PIK3C2G: variants seen among roughly 807,000 people sequenced by gnomAD.
PIK3C2G encodes the protein phosphatidylinositol 3-kinase C2 domain-containing subunit gamma.
PIK3C2G carries 168 observed loss-of-function variants against 181.1 expected under a neutral mutation model. The ratio of observed to expected loss-of-function variants is 0.93; its 90% CI spans 0.82 to 1.05. The LOEUF is 1.05. Ranked by LOEUF, PIK3C2G falls within the 50% of genes least tolerant of loss-of-function variation. The pLI, the probability that PIK3C2G is intolerant of heterozygous loss-of-function variation, is 0.00. For synonymous variants in PIK3C2G, 573 were observed against 592.2 expected, an observed-to-expected ratio of 0.97 and a Z score of 0.47; for missense variants, 1,869 against 1,732.8, an observed-to-expected ratio of 1.08 and a Z score of -1.40.
chr12:18,615,334 T>C (rs1948548493), intron 31 of PIK3C2G, among the ~76,000 whole-genome samples: 1 of 43,734 alleles, frequency 2.3e-5, no homozygotes, highest in Non-Finnish European at 4.6e-5. Flanking sequence ...TTCCACGGTG[T>C]GTGTGTGTGT....
intron 18 of PIK3C2G, among the ~76,000 whole-genome samples, chr12:18,459,352 A>C (rs1038280443): frequency 2.0e-5 from 3 of 152,234 alleles, no homozygotes; most frequent in Admixed American, 6.5e-5. Context: ...ATTTAGAAAA[A>C]GTAAAAGAGA....
chr12:18,511,251 A>T (rs145434578), intron 24 of PIK3C2G, among the ~76,000 whole-genome samples: 4 of 152,218 alleles, frequency 2.6e-5, no homozygotes, highest in Admixed American at 6.5e-5. Flanking sequence ...ATTTGTTTCC[A>T]TATCTTGGCT....
At chr12:18,344,056 T>C (rs1357599597) in intron 10 of PIK3C2G, among the ~76,000 whole-genome samples, 1 of 152,106 alleles carries the variant, frequency 6.6e-6, no homozygotes, top group Non-Finnish European at 1.5e-5. Flanking sequence ...AACTCTTTGA[T>C]CCCGTTATAG....
chr12:18,652,345 A>G (rs1218831532), downstream of PIK3C2G, among the ~76,000 whole-genome samples: 1 of 152,144 alleles, frequency 6.6e-6, no homozygotes, highest in Non-Finnish European at 1.5e-5. Context: ...ATAAACATGA[A>G]GGTGAATATT....
the PIK3C2G span, among the ~76,000 whole-genome samples, chr12:18,664,842 T>A: frequency 9.5e-4 from 144 of 150,804 alleles, 1 homozygote; most frequent in Admixed American, 9.5e-3. Flanking sequence ...AAATGATGAG[T>A]TCATGTCCTT....
At chr12:18,545,507 CA>C (rs1944375680) in intron 25 of PIK3C2G, among the ~76,000 whole-genome samples, 1 of 150,640 alleles carries the variant, frequency 6.6e-6, no homozygotes, top group Admixed American at 6.6e-5. Context: ...TAACAGTCTT[CA>C]TTTTTTTTTT....
At chr12:18,602,930 GA>G (rs756229917) in intron 30 of PIK3C2G, among the ~76,000 whole-genome samples, 2 of 152,060 alleles carry the variant, frequency 1.3e-5, no homozygotes, top group African/African-American at 2.4e-5. Flanking sequence ...GAAGGAACCA[GA>G]AAACCAACCC....
At chr12:18,503,514 C>T (rs1048564205) in intron 23 of PIK3C2G, 97 bp downstream of exon 23, 1 of 809,950 alleles carries the variant, frequency 1.2e-6, no homozygotes, top group Non-Finnish European at 1.8e-6. Flanking sequence ...AAATTAAGTG[C>T]ACTTTGAGTT....
chr12:18,270,151 C>G (rs1459851292), intron 1 of PIK3C2G, among the ~76,000 whole-genome samples: 4 of 151,918 alleles, frequency 2.6e-5, no homozygotes, highest in African/African-American at 9.7e-5. Context: ...CTCAGGTGAT[C>G]CACCCACCTC....
chr12:18,381,790 G>A lies in PIK3C2G; in HGVS notation c.1905G>A (p.Leu635=), dbSNP rs747729902. 3.1e-6 allele frequency: 5 copies of A among 1,612,666 alleles called. No homozygotes were observed. In the East Asian group the frequency reaches 1.1e-4, roughly 36 times the overall value. ...PKEKSILGSM[L]FSMTLQSEPP... Reference sequence around the variant, plus strand: ...GAAAATCCATTCTCGGGTCTATGCTGTTCAGCATGACATTACAGAGTGAGC... The same window carrying A: ...GAAAATCCATTCTCGGGTCTATGCTATTCAGCATGACATTACAGAGTGAGC... Residue 635 remains leucine, a synonymous_variant, in exon 14 of 33, where the codon CTG becomes CTA. Transcript: ENST00000538779.
At chr12:18,341,621 T>G (rs1939146528) in intron 9 of PIK3C2G, among the ~76,000 whole-genome samples, 1 of 152,158 alleles carries the variant, frequency 6.6e-6, no homozygotes, top group Admixed American at 6.6e-5. Context: ...TATACTTTTG[T>G]TCATCTCTTT....
intron 5 of PIK3C2G, among the ~76,000 whole-genome samples, chr12:18,300,315 A>T (rs540396264): frequency 1.3e-5 from 2 of 152,006 alleles, no homozygotes; most frequent in Non-Finnish European, 2.9e-5. Flanking sequence ...ACTATTTCAC[A>T]TATAAAGAGA....
chr12:18,266,986 T>C (rs1948530250), intron 1 of PIK3C2G, among the ~76,000 whole-genome samples: 1 of 152,066 alleles, frequency 6.6e-6, no homozygotes, highest in Non-Finnish European at 1.5e-5. Context: ...GGGTTTTCTT[T>C]TTTTGCCATC....
At chr12:18,279,159 A>G (rs7488985) in intron 1 of PIK3C2G, among the ~76,000 whole-genome samples, 58,888 of 151,926 alleles carry the variant, frequency 0.39, 11,408 homozygotes, top group Non-Finnish European at 0.41. Flanking sequence ...GTTCACCCAT[A>G]TGCCTCCTTT....
intron 3 of PIK3C2G, among the ~76,000 whole-genome samples, chr12:18,287,584 G>A (rs993255619): frequency 3.3e-5 from 5 of 152,138 alleles, no homozygotes; most frequent in South Asian, 4.1e-4. Flanking sequence ...AGTTGGGCGC[G>A]GTAGCTCACG....
chr12:18,524,223 A>T (rs1159271677), intron 24 of PIK3C2G, among the ~76,000 whole-genome samples: 1 of 152,146 alleles, frequency 6.6e-6, no homozygotes, highest in Non-Finnish European at 1.5e-5. Flanking sequence ...CTCTGTAGAA[A>T]CTGCAAGTCC....
the PIK3C2G span, among the ~76,000 whole-genome samples, chr12:18,676,840 C>T: frequency 6.6e-6 from 1 of 152,050 alleles, no homozygotes; most frequent in Non-Finnish European, 1.5e-5. Flanking sequence ...TGGAAACACA[C>T]ATATAAGATT....
At chr12:18,411,579 A>T (rs1222145777) in intron 16 of PIK3C2G, among the ~76,000 whole-genome samples, 1 of 152,210 alleles carries the variant, frequency 6.6e-6, no homozygotes, top group East Asian at 1.9e-4. Context: ...AGATATTCAT[A>T]TTGACATTTT....
At chr12:18,566,455 C>A (rs1399987771) in intron 28 of PIK3C2G, among the ~76,000 whole-genome samples, 1 of 152,176 alleles carries the variant, frequency 6.6e-6, no homozygotes. Flanking sequence ...GGAAATTCTG[C>A]AAATAGTCAG....
Sources: gnomAD v4.1 joint callset for allele counts (sites outside exome capture counted in the v4.1 genomes callset) on GRCh38, gnomAD v4.1.1 for gene constraint, MANE v1.5 for transcripts, NCBI Gene and HGNC (gene_info 2026-07-23, HGNC 2026-07-21) for gene names.